Variants in OPCML observed in about 807,000 individuals in gnomAD.
The protein encoded by OPCML is opioid-binding protein/cell adhesion molecule.
A neutral mutation model predicts 37.8 loss-of-function variants in OPCML; 13 were observed. The ratio of observed to expected loss-of-function variants is 0.34; its 90% CI spans 0.22 to 0.55. OPCML has a LOEUF of 0.55. Ranked by LOEUF, OPCML falls within the 20% of genes least tolerant of loss-of-function variation. OPCML has a pLI of 0.91. For synonymous variants in OPCML, 176 were observed against 168.8 expected (o/e 1.04, Z -0.33); for missense variants, 341 against 435.6 (o/e 0.78, Z 1.93).
chr11:132,854,336 A>C (rs540183409), intron 2 of OPCML, among the ~76,000 whole-genome samples: 1 of 152,344 alleles, frequency 6.6e-6, no homozygotes, highest in East Asian at 1.9e-4. Flanking sequence ...GGAAGCTCTT[A>C]GAACTCAGTC....
chr11:132,469,504 T>C (rs1168830005), intron 4 of OPCML, among the ~76,000 whole-genome samples: 2 of 150,076 alleles, frequency 1.3e-5, no homozygotes, highest in Non-Finnish European at 3.0e-5. Context: ...TGTATGTATG[T>C]GTGTGTATGT....
At chr11:133,004,175 C>G in intron 1 of OPCML, 1 of 985,390 alleles carries the variant, frequency 1.0e-6, no homozygotes, top group Non-Finnish European at 1.2e-6. Context: ...ACTCCTCTGC[C>G]GTCTCATCTG....
At chr11:132,972,675 G>C (rs1946370343) in intron 1 of OPCML, among the ~76,000 whole-genome samples, 1 of 152,096 alleles carries the variant, frequency 6.6e-6, no homozygotes, top group Admixed American at 6.5e-5. Flanking sequence ...CCCTCTTTCA[G>C]ACTATTGCCA....
At chr11:132,525,245 A>G (rs1047645602) in intron 4 of OPCML, among the ~76,000 whole-genome samples, 2 of 151,880 alleles carry the variant, frequency 1.3e-5, no homozygotes, top group Non-Finnish European at 2.9e-5. Context: ...ATTTATTTTT[A>G]CCTCTTTTCT....
intron 2 of OPCML, among the ~76,000 whole-genome samples, chr11:132,804,677 C>T (rs964393053): frequency 6.6e-6 from 1 of 152,168 alleles, no homozygotes; most frequent in African/African-American, 2.4e-5. Flanking sequence ...GCTAAACTCT[C>T]TCTAGAAAAG....
Position 132,539,410 on chromosome 11 carries a change from C to T in OPCML, c.380-10224G>A, listed in dbSNP as rs553514820. The stretch of plus-strand genomic sequence containing the variant: ...GAATCTCAGGAACTAAGGCTGAAAG[C>T]GCAGGTAGAGCCCAGAACTTACAGA... On this transcript the variant is annotated intron_variant, in intron 3 of 7. Coordinates refer to ENST00000524381, the MANE Select transcript of OPCML (RefSeq NM_001012393.5). Among the ~76,000 whole-genome samples the T allele has an allele frequency of 1.2e-4, 19 of 152,280 alleles. No individual in the cohort carries two copies. The South Asian group carries it at 2.9e-3, about 23-fold the overall frequency.
intron 1 of OPCML, among the ~76,000 whole-genome samples, chr11:133,193,962 AG>A (rs552569203): frequency 8.2e-4 from 125 of 152,368 alleles, no homozygotes; most frequent in African/African-American, 2.9e-3. Flanking sequence ...CTATTACTTT[AG>A]AAAAAGAGGA....
intron 1 of OPCML, among the ~76,000 whole-genome samples, chr11:132,954,523 G>A (rs371095603): frequency 2.6e-5 from 4 of 152,164 alleles, no homozygotes; most frequent in African/African-American, 4.8e-5. Context: ...AGTGAACAGC[G>A]TTGCCAGTCC....
intron 2 of OPCML, among the ~76,000 whole-genome samples, chr11:132,921,184 A>C (rs1375379238): frequency 6.6e-6 from 1 of 151,976 alleles, no homozygotes; most frequent in African/African-American, 2.4e-5. Flanking sequence ...TGTTTCCCTC[A>C]GCTTTTTTGT....
intron 1 of OPCML, among the ~76,000 whole-genome samples, chr11:133,037,821 C>A (rs569214694): frequency 6.6e-6 from 1 of 152,190 alleles, no homozygotes; most frequent in East Asian, 1.9e-4. Flanking sequence ...AGGGCCAAGA[C>A]TTTAAATGGT....
At chr11:133,313,920 T>C (rs898955388) in intron 1 of OPCML, among the ~76,000 whole-genome samples, 24 of 152,252 alleles carry the variant, frequency 1.6e-4, no homozygotes, top group African/African-American at 5.3e-4. Context: ...TTTGAAGAAG[T>C]CCATTATTTA....
At chr11:133,098,608 T>C (rs1949039552) in intron 1 of OPCML, among the ~76,000 whole-genome samples, 1 of 152,206 alleles carries the variant, frequency 6.6e-6, no homozygotes, top group African/African-American at 2.4e-5. Flanking sequence ...AGATGCATTT[T>C]ACAAAATCCA....
intron 2 of OPCML, among the ~76,000 whole-genome samples, chr11:132,770,211 A>T (rs908060656): frequency 1.3e-5 from 2 of 152,190 alleles, no homozygotes; most frequent in Non-Finnish European, 2.9e-5. Flanking sequence ...AATGCTGGGG[A>T]TACCGCACTA....
intron 1 of OPCML, among the ~76,000 whole-genome samples, chr11:133,042,422 C>T (rs543165439): frequency 2.6e-5 from 4 of 152,300 alleles, no homozygotes; most frequent in Non-Finnish European, 2.9e-5. Flanking sequence ...GCCGGCTAGG[C>T]GCATCATGAC....
chr11:133,504,979 C>T (rs186981379), intron 1 of OPCML, among the ~76,000 whole-genome samples: 400 of 152,296 alleles, frequency 2.6e-3, no homozygotes, highest in African/African-American at 9.3e-3. Flanking sequence ...GGTTGAGACA[C>T]CCCCTAAGGG....
At chr11:133,499,771 A>AAT (rs374151325) in intron 1 of OPCML, among the ~76,000 whole-genome samples, 6,599 of 141,120 alleles carry the variant, frequency 0.047, 152 homozygotes, top group South Asian at 0.078. Flanking sequence ...CAGAAAAATA[A>AAT]ATATATATAT....
At chr11:132,882,067 G>A (rs1943243883) in intron 2 of OPCML, among the ~76,000 whole-genome samples, 1 of 152,090 alleles carries the variant, frequency 6.6e-6, no homozygotes, top group Non-Finnish European at 1.5e-5. Flanking sequence ...TTCTAGGACA[G>A]AAGTCATTTG....
intron 2 of OPCML, 48 bp downstream of exon 2, chr11:132,942,878 G>A: frequency 1.9e-6 from 3 of 1,591,240 alleles, no homozygotes; most frequent in South Asian, 2.2e-5. Flanking sequence ...CCTCTCCCCA[G>A]CGACCACAGC....
intron 4 of OPCML, among the ~76,000 whole-genome samples, chr11:132,481,305 A>T (rs897049786): frequency 6.6e-6 from 1 of 152,246 alleles, no homozygotes; most frequent in South Asian, 2.1e-4. Context: ...ACCAACAAAG[A>T]TCAAAAGAGA....
Sources: gnomAD v4.1 joint callset for allele counts (sites outside exome capture counted in the v4.1 genomes callset) on GRCh38, gnomAD v4.1.1 for gene constraint, MANE v1.5 for transcripts, NCBI Gene and HGNC (gene_info 2026-07-23, HGNC 2026-07-21) for gene names.